Variants in DNM3 observed in about 807,000 individuals in gnomAD.
DNM3 encodes the protein dynamin 3.
Under a neutral mutation model 101.6 loss-of-function variants are expected in DNM3, and 47 were observed. That is an observed-to-expected ratio of 0.46 (90% CI 0.37 to 0.59). DNM3 has a LOEUF of 0.59. DNM3 is among the 20% of genes least tolerant of loss of function. The pLI is 0.00. For synonymous variants in DNM3, 385 were observed against 387.9 expected, an observed-to-expected ratio of 0.99 and a Z score of 0.09; for missense variants, 849 against 1,085.7, an observed-to-expected ratio of 0.78 and a Z score of 3.06.
Position 171,841,812 on chromosome 1 carries a change from G to C in DNM3, c.156G>C (p.Val52=). 1 of 1,608,072 alleles carries C rather than the reference G, an allele frequency of 6.2e-7. No individual in the cohort carries two copies. The highest frequency in any genetic ancestry group is 1.7e-5 in the Admixed American group (1 of 59,694). Reference sequence around the variant, plus strand: ...AGAGCTCGGTGCTCGAGAACTTCGTGGGCAGGTAAGCGCGCAGGGCGCGGA... The same window carrying C: ...AGAGCTCGGTGCTCGAGAACTTCGTCGGCAGGTAAGCGCGCAGGGCGCGGA... The part of the protein sequence containing the change: ...AGKSSVLENF[V]GRDFLPRGSG... Residue 52 remains valine (V), a synonymous_variant, in exon 1 of 21, where the codon GTG becomes GTC. Transcript: ENST00000627582.
At chr1:171,878,082 T>C (rs1002432999) in intron 1 of DNM3, among the ~76,000 whole-genome samples, 3 of 151,602 alleles carry the variant, frequency 2.0e-5, no homozygotes, top group Non-Finnish European at 2.9e-5. Context: ...AATTTAAAAG[T>C]AAAGTAAAAT....
chr1:172,308,711 T>A lies in DNM3; in HGVS notation c.1770-17T>A. 6.8e-7 allele frequency: 1 copy of A among 1,464,632 alleles called. No homozygotes were observed. Among genetic ancestry groups the A allele is most frequent in the East Asian group, 2.4e-5 (1 of 42,018 alleles). 90.7% of individuals were successfully genotyped at this position (1,464,632 alleles called of 1,614,324 possible). ...GGTTCAAACTAAAAGCATGATTTTT[T>A]TTTTTTTTAACTCCAGGAATGTATA... On this transcript the variant is annotated splice_polypyrimidine_tract_variant and intron_variant, in intron 15 of 20. Coordinates refer to ENST00000627582, the MANE Select transcript of DNM3 (RefSeq NM_015569.5).
At position 172,400,621 on chromosome 1, in the gene DNM3, A is replaced by G. The variant is rs538979785; in HGVS notation, c.2523-7151A>G. ...TTTAGCTCTTTCCTCCCCCAAGTTT[A>G]TAATCTCAATGATATAGTACAAAGG... On this transcript the variant is annotated intron_variant, in intron 20 of 20. Coordinates refer to ENST00000627582, the MANE Select transcript of DNM3 (RefSeq NM_015569.5). Among the ~76,000 whole-genome samples, 303 of 152,292 alleles carry G rather than the reference A, an allele frequency of 2.0e-3. 1 individual carries two copies. The highest frequency in any genetic ancestry group is 6.8e-3 in the African/African-American group (281 of 41,568).
chr1:172,107,009 C>T (rs372637932), intron 13 of DNM3, among the ~76,000 whole-genome samples: 2,305 of 149,700 alleles, frequency 0.015, 64 homozygotes, highest in African/African-American at 0.053. Context: ...TACAGGCACC[C>T]GCCACCGCGC....
At chr1:172,088,688 A>G (rs1432711471) in intron 12 of DNM3, among the ~76,000 whole-genome samples, 3 of 152,206 alleles carry the variant, frequency 2.0e-5, no homozygotes, top group Non-Finnish European at 4.4e-5. Flanking sequence ...GAACGTAGTC[A>G]TTTGTTTTCC....
chr1:172,263,865 A>G (rs1423535020), intron 15 of DNM3, among the ~76,000 whole-genome samples: 1 of 152,220 alleles, frequency 6.6e-6, no homozygotes, highest in Non-Finnish European at 1.5e-5. Context: ...CACTAGTGTG[A>G]GTGTCATACA....
At chr1:172,223,481 G>A (rs1326096832) in intron 14 of DNM3, among the ~76,000 whole-genome samples, 1 of 151,862 alleles carries the variant, frequency 6.6e-6, no homozygotes, top group Non-Finnish European at 1.5e-5. Flanking sequence ...TTCTCTGAGA[G>A]CATCATATCC....
At chr1:172,251,163 A>G (rs1557882395) in intron 14 of DNM3, among the ~76,000 whole-genome samples, 1 of 152,178 alleles carries the variant, frequency 6.6e-6, no homozygotes, top group Non-Finnish European at 1.5e-5. Flanking sequence ...TTAGGCAGTC[A>G]TAGAACTGAC....
At chr1:172,157,487 A>G (rs1042564078) in intron 14 of DNM3, among the ~76,000 whole-genome samples, 1 of 152,130 alleles carries the variant, frequency 6.6e-6, no homozygotes, top group African/African-American at 2.4e-5. Context: ...TAGGACATAC[A>G]TTTCAGTAAA....
intron 14 of DNM3, among the ~76,000 whole-genome samples, chr1:172,186,518 TC>T (rs900126936): frequency 1.3e-5 from 2 of 151,782 alleles, no homozygotes; most frequent in East Asian, 3.9e-4. Context: ...GACAATGCTG[TC>T]CCCCCCTTTT....
At chr1:172,307,182 G>GA (rs2064862355) in intron 15 of DNM3, among the ~76,000 whole-genome samples, 1 of 151,954 alleles carries the variant, frequency 6.6e-6, no homozygotes, top group South Asian at 2.1e-4. Context: ...AATTTTACCA[G>GA]AAAAAATAAA....
intron 10 of DNM3, among the ~76,000 whole-genome samples, chr1:172,058,682 A>G (rs1164535249): frequency 6.6e-6 from 1 of 152,124 alleles, no homozygotes; most frequent in Non-Finnish European, 1.5e-5. Flanking sequence ...AATCTCTGGG[A>G]TGCATTTAAA....
At chr1:172,398,324 G>A (rs2070188406) in intron 20 of DNM3, among the ~76,000 whole-genome samples, 2 of 152,158 alleles carry the variant, frequency 1.3e-5, no homozygotes, top group South Asian at 4.1e-4. Context: ...ACACTTGCCT[G>A]CTAGCTGTGT....
At chr1:171,897,706 C>G (rs1440594317) in intron 1 of DNM3, among the ~76,000 whole-genome samples, 1 of 152,160 alleles carries the variant, frequency 6.6e-6, no homozygotes, top group Non-Finnish European at 1.5e-5. Context: ...TAAAATCTAG[C>G]ATGTTGATAA....
intron 17 of DNM3, among the ~76,000 whole-genome samples, chr1:172,342,846 A>C (rs2066752373): frequency 6.6e-6 from 1 of 152,178 alleles, no homozygotes. Flanking sequence ...GATATGAGTC[A>C]GTTTCTTTGT....
At chr1:172,298,199 C>T (rs2064257905) in intron 15 of DNM3, among the ~76,000 whole-genome samples, 1 of 152,166 alleles carries the variant, frequency 6.6e-6, no homozygotes, top group South Asian at 2.1e-4. Context: ...CCCAAAGGTT[C>T]TCCTTCATTG....
At chr1:172,236,921 TC>T (rs2061565429) in intron 14 of DNM3, among the ~76,000 whole-genome samples, 2 of 152,136 alleles carry the variant, frequency 1.3e-5, no homozygotes, top group African/African-American at 4.8e-5. Flanking sequence ...TCTACAGTTC[TC>T]CCTTCCTCTT....
chr1:172,226,780 A>T (rs2061138239), intron 14 of DNM3, among the ~76,000 whole-genome samples: 1 of 152,174 alleles, frequency 6.6e-6, no homozygotes. Context: ...TTTTTCAGCG[A>T]TAATGATGCA....
chr1:172,289,986 T>C (rs941365168), intron 15 of DNM3: 1 of 913,456 alleles, frequency 1.1e-6, no homozygotes, highest in Non-Finnish European at 1.3e-6. Context: ...TTTATATTAT[T>C]GACATCATAG....
Sources: gnomAD v4.1 joint callset for allele counts (sites outside exome capture counted in the v4.1 genomes callset) on GRCh38, gnomAD v4.1.1 for gene constraint, MANE v1.5 for transcripts, NCBI Gene and HGNC (gene_info 2026-07-23, HGNC 2026-07-21) for gene names.